The following FILIP1L variants were observed in gnomAD, a reference collection of about 807,000 sequenced individuals.
The protein encoded by FILIP1L is filamin A-interacting protein 1-like.
Under a neutral mutation model 96.6 loss-of-function variants are expected in FILIP1L, and 55 were observed. The ratio of observed to expected loss-of-function variants is 0.57; its 90% confidence interval spans 0.46 to 0.71. FILIP1L has a LOEUF of 0.71. Ranked by LOEUF, FILIP1L falls within the 30% of genes least tolerant of loss-of-function variation. FILIP1L has a pLI of 0.00. For synonymous variants in FILIP1L, 467 were observed against 473.9 expected (o/e 0.99, Z 0.19); for missense variants, 1,304 against 1,321.2 (o/e 0.99, Z 0.20).
intron 1 of FILIP1L, among the ~76,000 whole-genome samples, chr3:100,048,115 T>C (rs1279717096): frequency 2.0e-5 from 3 of 152,222 alleles, no homozygotes; most frequent in African/African-American, 7.2e-5. Flanking sequence ...TGTGCTTGCA[T>C]TGTCTTCCTG....
At chr3:100,025,829 G>A (rs1252100981) in intron 1 of FILIP1L, among the ~76,000 whole-genome samples, 1 of 152,148 alleles carries the variant, frequency 6.6e-6, no homozygotes, top group Non-Finnish European at 1.5e-5. Flanking sequence ...TTGTTGGTAA[G>A]CCCAGGGAAG....
intron 1 of FILIP1L, among the ~76,000 whole-genome samples, chr3:99,983,375 AAAAT>A (rs201845792): frequency 0.096 from 4,928 of 51,142 alleles, 279 homozygotes; most frequent in East Asian, 0.26. Context: ...CTCTACTTAA[AAAAT>A]AAATAAATAA....
At chr3:99,898,237 G>A (rs890500183) in intron 4 of FILIP1L, 8 of 152,178 alleles carry the variant, frequency 5.3e-5, no homozygotes, top group Non-Finnish European at 1.2e-4. Context: ...TATATTGTAG[G>A]TAGCATTATT....
intron 1 of FILIP1L, among the ~76,000 whole-genome samples, chr3:100,019,242 T>G (rs1710434468): frequency 6.6e-6 from 1 of 152,222 alleles, no homozygotes; most frequent in Non-Finnish European, 1.5e-5. Context: ...CATGTCTAGT[T>G]TCAGCTACTC....
chr3:99,830,594 T>C lies in FILIP1L; in HGVS notation c.3393A>G (p.Val1131=), dbSNP rs902380234. 17 of 456,530 alleles carry C rather than the reference T, an allele frequency of 3.7e-5. No individual in the cohort carries two copies. Among genetic ancestry groups the C allele is most frequent in the African/African-American group, 3.4e-4 (17 of 50,080 alleles). 28.3% of individuals were successfully genotyped at this position (456,530 alleles called of 1,614,324 possible). Residue 1131 remains valine, a synonymous_variant, in exon 6 of 6, where the codon GTA becomes GTG. Transcript: ENST00000477258. The part of the protein sequence containing the change: ...PRQSQITIKE[V]CKQRIPARIP... ...TCCGTGCTGGGATTCTCTGCTTGCATACCTCCTTGATCTTGAATTAAACAA... is the reference window on the plus strand; with the variant it reads ...TCCGTGCTGGGATTCTCTGCTTGCACACCTCCTTGATCTTGAATTAAACAA...
rs1209391083 is a variant in FILIP1L, at chr3:100,006,653, T to C, written c.-10-75623A>G. ...GCTCATTTATCTTACATCTTTTCTT[T>C]CCAAAAAAAAAAAAAAATTCCAGCT... On this transcript the variant is annotated intron_variant, in intron 1 of 5. Coordinates refer to ENST00000477258, the MANE Select transcript of FILIP1L (RefSeq NM_001387850.1). Among the ~76,000 whole-genome samples the C allele has an allele frequency of 6.2e-5, 9 of 145,798 alleles. No homozygotes were observed. The East Asian group carries it at 1.7e-3, about 27-fold the overall frequency.
intron 1 of FILIP1L, among the ~76,000 whole-genome samples, chr3:100,041,785 A>G (rs1015195473): frequency 6.6e-6 from 1 of 152,156 alleles, no homozygotes; most frequent in African/African-American, 2.4e-5. Flanking sequence ...TAAACAGTAA[A>G]ATTCAGGAGA....
chr3:99,925,999 A>G, intron 3 of FILIP1L: 1 of 382,998 alleles, frequency 2.6e-6, no homozygotes, highest in Non-Finnish European at 3.6e-6. Flanking sequence ...GGTTTTGAAA[A>G]CACCCGACTT....
At chr3:99,988,222 G>A (rs1483993165) in intron 1 of FILIP1L, among the ~76,000 whole-genome samples, 3 of 151,468 alleles carry the variant, frequency 2.0e-5, no homozygotes, top group Admixed American at 6.6e-5. Context: ...ATTTGGCCGG[G>A]CGCAGTGCCT....
At chr3:100,040,451 G>A (rs1296703955) in intron 1 of FILIP1L, 1 of 152,128 alleles carries the variant, frequency 6.6e-6, no homozygotes, top group African/African-American at 2.4e-5. Context: ...CGTGGTTTTA[G>A]AAACAGTTTA....
At chr3:99,840,219 ATCT>A (rs1243147785) in intron 5 of FILIP1L, among the ~76,000 whole-genome samples, 1 of 118,188 alleles carries the variant, frequency 8.5e-6, no homozygotes, top group Non-Finnish European at 1.7e-5. Context: ...AATTCGTAGA[ATCT>A]TTTTTTTTTT....
chr3:99,903,938 A>C (rs561174138), intron 4 of FILIP1L, among the ~76,000 whole-genome samples: 1 of 152,350 alleles, frequency 6.6e-6, no homozygotes, highest in African/African-American at 2.4e-5. Flanking sequence ...TAATAGAAAA[A>C]TATGGCTTCA....
intron 1 of FILIP1L, among the ~76,000 whole-genome samples, chr3:100,037,975 G>A (rs1214338304): frequency 7.1e-6 from 1 of 141,580 alleles, no homozygotes; most frequent in East Asian, 2.1e-4. Flanking sequence ...AGGGAACAGA[G>A]TCTCAAATCT....
chr3:99,893,162 CT>C (rs1200176411), intron 4 of FILIP1L, among the ~76,000 whole-genome samples: 1,740 of 107,602 alleles, frequency 0.016, 19 homozygotes, highest in African/African-American at 0.049. Context: ...GGCATCTAGA[CT>C]TTTTTTTTTT....
At chr3:100,028,242 C>G (rs752200159) in intron 1 of FILIP1L, among the ~76,000 whole-genome samples, 14 of 152,182 alleles carry the variant, frequency 9.2e-5, no homozygotes, top group Admixed American at 2.0e-4. Flanking sequence ...CTCAGACACA[C>G]TGAAGCTAAG....
intron 1 of FILIP1L, among the ~76,000 whole-genome samples, chr3:100,105,129 C>G (rs2066372603): frequency 6.6e-6 from 1 of 152,116 alleles, no homozygotes; most frequent in Admixed American, 6.6e-5. Context: ...TTGTTTAAGT[C>G]TCATATACTT....
chr3:100,074,070 T>C (rs1024795450), intron 1 of FILIP1L, among the ~76,000 whole-genome samples: 3 of 152,212 alleles, frequency 2.0e-5, no homozygotes, highest in Non-Finnish European at 4.4e-5. Flanking sequence ...GGGCCTTTTT[T>C]TTCCCTTCCC....
chr3:100,013,129 G>T (rs147268776), intron 1 of FILIP1L, among the ~76,000 whole-genome samples: 3 of 152,068 alleles, frequency 2.0e-5, no homozygotes, highest in African/African-American at 7.2e-5. Context: ...CACCCACCTT[G>T]GCCTCCCAAA....
At chr3:99,872,009 A>C (rs888526399) in intron 4 of FILIP1L, among the ~76,000 whole-genome samples, 1 of 151,740 alleles carries the variant, frequency 6.6e-6, no homozygotes, top group Admixed American at 6.6e-5. Flanking sequence ...AATGGATTTT[A>C]TATCTAAATT....
Sources: allele counts gnomAD v4.1 joint callset (sites outside exome capture counted in the v4.1 genomes callset), GRCh38; gene constraint gnomAD v4.1.1; transcripts MANE v1.5; gene names NCBI Gene and HGNC (gene_info 2026-07-23, HGNC 2026-07-21).